The following SIK2 variants were observed in gnomAD, a reference collection of about 807,000 sequenced individuals.
The protein encoded by SIK2 is serine/threonine-protein kinase SIK2.
Under a neutral mutation model 103.2 loss-of-function variants are expected in SIK2, and 29 were observed. The observed-to-expected ratio is 0.28, with a 90% CI of 0.21 to 0.38. SIK2 has a LOEUF of 0.38. Among genes scored for constraint, SIK2 ranks in the 10% least tolerant of loss-of-function variants. The pLI is 1.00. For synonymous variants in SIK2, 412 were observed against 446.1 expected (o/e 0.92, Z 0.96); for missense variants, 879 against 1,171.0 (o/e 0.75, Z 3.64).
In SIK2 at chr11:111,723,977, C is replaced by T. The variant is rs1260613245; in HGVS notation, c.2629C>T (p.Leu877=). The T allele has an allele frequency of 1.9e-6, 3 of 1,614,180 alleles. No individual in the cohort carries two copies. In the African/African-American group the frequency reaches 4.0e-5, roughly 22 times the overall value. ...YPVDGAQQSD[L]TGPDCPRSPG... ...TGTGGATGGAGCCCAGCAGAGCGAC[C>T]TAACGGGGCCAGACTGTCCCAGAAG... Residue 877 remains leucine, a synonymous_variant, in exon 15 of 15, where the codon CTA becomes TTA. Transcript: ENST00000304987.
rs1313968694 is a variant in SIK2 at position 111,637,494 on chromosome 11, C to CGG, written c.316+17093_316+17094dup. Among the ~76,000 whole-genome samples the CGG allele has an allele frequency of 2.1e-5, 3 of 143,986 alleles. No homozygotes were observed. In the East Asian group the frequency reaches 6.0e-4, roughly 29 times the overall value. The allele number at this position is 143,986 out of a possible 152,430, so 94.5% of individuals were successfully genotyped here. On this transcript the variant is annotated intron_variant, in intron 3 of 14. Coordinates refer to ENST00000304987, the MANE Select transcript of SIK2 (RefSeq NM_015191.3). ...TTTTTTTTTGAGAAGGAGTCTCCCTCGGTCACCCAGGCTGGAGTGCGGTGG... is the reference window on the plus strand; with the variant it reads ...TTTTTTTTTGAGAAGGAGTCTCCCTCGGGGTCACCCAGGCTGGAGTGCGGTGG...
At chr11:111,617,259 G>A (rs1480184145) in intron 2 of SIK2, among the ~76,000 whole-genome samples, 2 of 152,136 alleles carry the variant, frequency 1.3e-5, no homozygotes, top group Non-Finnish European at 2.9e-5. Context: ...ACCAGCCATG[G>A]TTTTTAAAAG....
At position 111,688,626 on chromosome 11, in the gene SIK2, G is replaced by A. The variant is rs989892499; in HGVS notation, c.478+464G>A. On this transcript the variant is annotated intron_variant, in intron 4 of 14. Coordinates refer to ENST00000304987, the MANE Select transcript of SIK2 (RefSeq NM_015191.3). The surrounding 1 kb of genome is among the most constrained non-coding windows in gnomAD (Gnocchi z 4.2). ...AAAGCACCTTTCCTTGATCTGATACGATAGGGTTTTGATTTATAACATGAA... is the reference window on the plus strand; with the variant it reads ...AAAGCACCTTTCCTTGATCTGATACAATAGGGTTTTGATTTATAACATGAA... 6.6e-5 allele frequency among the ~76,000 whole-genome samples: 10 copies of A among 152,198 alleles called. No homozygotes were observed. The highest frequency in any genetic ancestry group is 2.1e-4 in the South Asian group (1 of 4,824).
At chr11:111,641,035 C>A (rs547407042) in intron 3 of SIK2, among the ~76,000 whole-genome samples, 2 of 152,070 alleles carry the variant, frequency 1.3e-5, no homozygotes, top group Non-Finnish European at 2.9e-5. Context: ...GAACTAATGG[C>A]GAAATTTACC....
At chr11:111,658,441 G>T (rs997904048) in intron 3 of SIK2, among the ~76,000 whole-genome samples, 8 of 151,544 alleles carry the variant, frequency 5.3e-5, no homozygotes, top group Non-Finnish European at 1.2e-4. Flanking sequence ...AGATTAATTT[G>T]TATTAGAATC....
chr11:111,657,738 TG>T (rs1252923314), intron 3 of SIK2, among the ~76,000 whole-genome samples: 1 of 151,720 alleles, frequency 6.6e-6, no homozygotes, highest in East Asian at 1.9e-4. Flanking sequence ...AGAGAATTGG[TG>T]GGGGGAGGTG....
intron 2 of SIK2, among the ~76,000 whole-genome samples, chr11:111,619,926 G>C (rs1941860347): frequency 6.6e-6 from 1 of 152,054 alleles, no homozygotes; most frequent in South Asian, 2.1e-4. Context: ...TGATAACATA[G>C]GACTAGAAAC....
chr11:111,660,980 C>A (rs1312127257), intron 3 of SIK2, among the ~76,000 whole-genome samples: 1 of 151,422 alleles, frequency 6.6e-6, no homozygotes, highest in Non-Finnish European at 1.5e-5. Context: ...GATTAAGGCA[C>A]ACACCACCGT....
At chr11:111,650,336 A>C (rs901081228) in intron 3 of SIK2, among the ~76,000 whole-genome samples, 6 of 152,116 alleles carry the variant, frequency 3.9e-5, no homozygotes, top group African/African-American at 1.4e-4. Flanking sequence ...TGGTAGGTAT[A>C]TATTCTACTT....
chr11:111,624,304 T>G (rs1476436333), intron 3 of SIK2, among the ~76,000 whole-genome samples: 1 of 152,240 alleles, frequency 6.6e-6, no homozygotes, highest in Admixed American at 6.5e-5. Context: ...TAATTTTTTC[T>G]TTTATATGCT....
intron 4 of SIK2, among the ~76,000 whole-genome samples, chr11:111,691,709 A>G (rs1054323720): frequency 3.3e-5 from 5 of 152,176 alleles, no homozygotes; most frequent in Non-Finnish European, 7.3e-5. Context: ...AAGCACTCAA[A>G]TTTTCTTGCC....
intron 1 of SIK2, among the ~76,000 whole-genome samples, chr11:111,603,685 G>A (rs898797011): frequency 1.3e-5 from 2 of 152,038 alleles, no homozygotes; most frequent in Non-Finnish European, 2.9e-5. Flanking sequence ...TAGAAGAACG[G>A]TAGAAACAAA....
chr11:111,707,846 A>C (rs1015943524), intron 8 of SIK2, among the ~76,000 whole-genome samples: 1 of 152,214 alleles, frequency 6.6e-6, no homozygotes, highest in African/African-American at 2.4e-5. Flanking sequence ...TGGGTTCCAC[A>C]CACCAAGCTG....
chr11:111,640,152 G>GT (rs1400805502), intron 3 of SIK2, among the ~76,000 whole-genome samples: 2 of 152,152 alleles, frequency 1.3e-5, no homozygotes. Flanking sequence ...CTCTCTTGCT[G>GT]TTTTTTGTGT....
intron 3 of SIK2, among the ~76,000 whole-genome samples, chr11:111,683,600 C>T (rs977276025): frequency 6.6e-6 from 1 of 151,812 alleles, no homozygotes; most frequent in Non-Finnish European, 1.5e-5. Flanking sequence ...AACAGGTGGC[C>T]GCCACCATGC....
In SIK2 at chr11:111,723,909, C is replaced by G. The variant is rs776104142; in HGVS notation, c.2561C>G (p.Ala854Gly). Residue 854 changes from alanine (A) to glycine (G), a missense_variant, in exon 15 of 15, where the codon GCT becomes GGT. Around this residue, in one of 7 missense-constraint regions of SIK2, gnomAD observed 375 missense variants for 416.3 expected, o/e 0.90. Coordinates refer to ENST00000304987, the MANE Select transcript of SIK2 (RefSeq NM_015191.3). The stretch of plus-strand genomic sequence containing the variant: ...TATCAGACTTGTGAGCTGCCAAGCG[C>G]TGCTTCCCCTGCGCCAGACTATCCC... ...FSYQTCELPS[A>G]ASPAPDYPTP... The G allele has an allele frequency of 5.6e-6, 9 of 1,613,762 alleles. No homozygotes were observed. The South Asian group carries it at 9.9e-5, about 18-fold the overall frequency.
At position 111,726,627 on chromosome 11, in the gene SIK2, C is replaced by T. The variant is rs1943976987; in HGVS notation, c.*2498C>T. 3 of 271,778 alleles carry T rather than the reference C, an allele frequency of 1.1e-5. No individual in the cohort carries two copies. Among genetic ancestry groups the T allele is most frequent in the Admixed American group, 4.6e-5 (1 of 21,868 alleles). 16.8% of individuals were successfully genotyped at this position (271,778 alleles called of 1,614,324 possible). A position where few individuals can be genotyped will look rare whatever the true frequency, so the allele number is the denominator to read the frequency against. ...TCTGTTGGTCAGTCAGGTGTTTGCT[C>T]AGCCCTGTCTGATCACCTGTGCTGC... On this transcript the variant is annotated 3_prime_UTR_variant, in exon 15 of 15. Coordinates refer to ENST00000304987, the MANE Select transcript of SIK2 (RefSeq NM_015191.3).
intron 4 of SIK2, among the ~76,000 whole-genome samples, chr11:111,690,014 C>T (rs550251083): frequency 7.3e-5 from 11 of 151,118 alleles, no homozygotes; most frequent in Middle Eastern, 3.4e-3. Context: ...CACATATACA[C>T]GTATATATAA....
rs190470167 is a variant in SIK2 at position 111,688,539 on chromosome 11, G to C, written c.478+377G>C. On this transcript the variant is annotated intron_variant, in intron 4 of 14. Coordinates refer to ENST00000304987, the MANE Select transcript of SIK2 (RefSeq NM_015191.3). The surrounding 1 kb of genome is among the most constrained non-coding windows in gnomAD (Gnocchi z 4.2). ...CTCCTAATTATGACTGATGGCTACAGCCAGAAGCAGAGAAAAGGCAAAAGA... is the reference window on the plus strand; with the variant it reads ...CTCCTAATTATGACTGATGGCTACACCCAGAAGCAGAGAAAAGGCAAAAGA... Among the ~76,000 whole-genome samples, 15 of 152,298 alleles carry C rather than the reference G, an allele frequency of 9.8e-5. No individual in the cohort carries two copies. Among genetic ancestry groups the C allele is most frequent in the African/African-American group, 3.4e-4 (14 of 41,554 alleles).
Sources: allele counts gnomAD v4.1 joint callset (sites outside exome capture counted in the v4.1 genomes callset), GRCh38; gene constraint gnomAD v4.1.1; regional missense constraint gnomAD v4.1.1; non-coding constraint Gnocchi (gnomAD v3.1); transcripts MANE v1.5; gene names NCBI Gene and HGNC (gene_info 2026-07-23, HGNC 2026-07-21).